Variants in LRMDA observed in about 807,000 individuals in gnomAD.
LRMDA encodes the protein leucine-rich melanocyte differentiation-associated protein.
Under a neutral mutation model 29.8 loss-of-function variants are expected in LRMDA, and 18 were observed. The observed-to-expected ratio is 0.60, with a 90% CI of 0.42 to 0.90. The LOEUF (loss-of-function observed/expected upper bound fraction) is 0.90. LRMDA is among the 40% of genes least tolerant of loss of function. The pLI is 0.00. For missense variants in LRMDA, 273 were observed against 273.9 expected, an observed-to-expected ratio of 1.00 and a Z score of 0.02; for synonymous variants, 125 against 109.4, an observed-to-expected ratio of 1.14 and a Z score of -0.89.
intron 6 of LRMDA, among the ~76,000 whole-genome samples, chr10:76,489,743 A>G (rs1157432918): frequency 6.6e-6 from 1 of 152,000 alleles, no homozygotes; most frequent in East Asian, 1.9e-4. Flanking sequence ...TTTAGATTAT[A>G]CTGCTTGGGT....
At chr10:75,865,911 A>G (rs1467621097) in intron 2 of LRMDA, among the ~76,000 whole-genome samples, 1 of 152,244 alleles carries the variant, frequency 6.6e-6, no homozygotes, top group African/African-American at 2.4e-5. Flanking sequence ...TTAGTCCTAA[A>G]GAGCTTCCCT....
At chr10:76,064,699 CA>C (rs1326751793) in intron 5 of LRMDA, among the ~76,000 whole-genome samples, 2 of 152,160 alleles carry the variant, frequency 1.3e-5, no homozygotes, top group African/African-American at 4.8e-5. Flanking sequence ...AGGTTTATTA[CA>C]ATTACTGTCC....
intron 2 of LRMDA, among the ~76,000 whole-genome samples, chr10:75,694,032 A>G (rs1295484808): frequency 6.6e-6 from 1 of 152,224 alleles, no homozygotes. Context: ...TAGAAAAGTA[A>G]TGCAAAATGC....
intron 2 of LRMDA, among the ~76,000 whole-genome samples, chr10:75,542,374 A>C (rs186922102): frequency 6.6e-6 from 1 of 152,074 alleles, no homozygotes; most frequent in Non-Finnish European, 1.5e-5. Context: ...GAGTGTTTGC[A>C]CTTTCACAGA....
At chr10:75,532,010 C>G (rs539261400) in intron 2 of LRMDA, among the ~76,000 whole-genome samples, 5 of 141,472 alleles carry the variant, frequency 3.5e-5, no homozygotes, top group South Asian at 4.6e-4. Flanking sequence ...CACCATTGCA[C>G]TCCAGCCTGG....
chr10:75,929,159 A>C (rs1372557036), intron 2 of LRMDA, among the ~76,000 whole-genome samples: 2 of 152,176 alleles, frequency 1.3e-5, no homozygotes, highest in Non-Finnish European at 1.5e-5. Context: ...AGGGCAGTGC[A>C]CTAGATACAG....
intron 2 of LRMDA, among the ~76,000 whole-genome samples, chr10:75,439,587 T>C (rs117125874): frequency 6.6e-6 from 1 of 152,272 alleles, no homozygotes; most frequent in East Asian, 1.9e-4. Context: ...TGGATGCTGC[T>C]CGGGAGCACA....
At chr10:76,188,939 C>T (rs1851196491) in intron 5 of LRMDA, among the ~76,000 whole-genome samples, 1 of 106,924 alleles carries the variant, frequency 9.4e-6, no homozygotes, top group South Asian at 2.8e-4. Flanking sequence ...TGCATGTACA[C>T]ACACACACAC....
At chr10:75,667,687 G>C (rs1232621756) in intron 2 of LRMDA, among the ~76,000 whole-genome samples, 1 of 152,148 alleles carries the variant, frequency 6.6e-6, no homozygotes, top group African/African-American at 2.4e-5. Context: ...TTTGGGCCCT[G>C]TTCCTCTATT....
intron 2 of LRMDA, among the ~76,000 whole-genome samples, chr10:75,949,789 A>G (rs1369124397): frequency 6.6e-6 from 1 of 152,130 alleles, no homozygotes; most frequent in Non-Finnish European, 1.5e-5. Flanking sequence ...GCAACCTTCT[A>G]TCTGCAGGTA....
chr10:76,143,036 G>T (rs1850236284), intron 5 of LRMDA, among the ~76,000 whole-genome samples: 1 of 152,070 alleles, frequency 6.6e-6, no homozygotes, highest in African/African-American at 2.4e-5. Context: ...ATTTTTTATG[G>T]CTGCATAGTA....
intron 2 of LRMDA, among the ~76,000 whole-genome samples, chr10:75,636,316 T>C (rs1020439585): frequency 6.6e-6 from 1 of 152,204 alleles, no homozygotes; most frequent in African/African-American, 2.4e-5. Context: ...TTATTTTCTT[T>C]ATTAAATTTT....
chr10:75,440,957 A>T (rs1844320257), intron 2 of LRMDA, among the ~76,000 whole-genome samples: 1 of 152,082 alleles, frequency 6.6e-6, no homozygotes, highest in South Asian at 2.1e-4. Flanking sequence ...GAATTGCTTG[A>T]ACCTGGGAGG....
intron 2 of LRMDA, among the ~76,000 whole-genome samples, chr10:75,599,860 A>G (rs1382620164): frequency 1.3e-5 from 2 of 152,180 alleles, no homozygotes; most frequent in African/African-American, 2.4e-5. Context: ...TGGTTTCTCC[A>G]TAAGATTCTG....
intron 5 of LRMDA, among the ~76,000 whole-genome samples, chr10:76,104,042 T>C (rs1849439620): frequency 6.7e-6 from 1 of 149,788 alleles, no homozygotes; most frequent in South Asian, 2.1e-4. Context: ...AATGAGACTC[T>C]ATCTAAAAAA....
intron 6 of LRMDA, among the ~76,000 whole-genome samples, chr10:76,524,930 G>C (rs574338966): frequency 9.9e-5 from 15 of 152,280 alleles, no homozygotes; most frequent in African/African-American, 3.6e-4. Flanking sequence ...TGGGGTCTTA[G>C]AAAATAACAC....
chr10:76,324,336 A>G, intron 5 of LRMDA, 65 bp from the exon 6 acceptor site: 1 of 1,365,072 alleles, frequency 7.3e-7, no homozygotes, highest in Non-Finnish European at 1.0e-6. Flanking sequence ...CAGGTCTGGT[A>G]AATGAGGGTA....
chr10:75,899,175 C>A (rs556773111), intron 2 of LRMDA, among the ~76,000 whole-genome samples: 1 of 152,166 alleles, frequency 6.6e-6, no homozygotes, highest in Non-Finnish European at 1.5e-5. Flanking sequence ...TTTGGTTACA[C>A]GCCAGTACTT....
At chr10:76,117,393 G>T (rs1038073982) in intron 5 of LRMDA, among the ~76,000 whole-genome samples, 17 of 152,002 alleles carry the variant, frequency 1.1e-4, no homozygotes, top group Admixed American at 1.0e-3. Context: ...GGGACAAACT[G>T]GGAGATCTAC....
Sources: allele counts gnomAD v4.1 joint callset (sites outside exome capture counted in the v4.1 genomes callset), GRCh38; gene constraint gnomAD v4.1.1; transcripts MANE v1.5; gene names NCBI Gene and HGNC (gene_info 2026-07-23, HGNC 2026-07-21).